Variants in ARPC1A observed in about 807,000 individuals in gnomAD.
The protein encoded by ARPC1A is actin-related protein 2/3 complex subunit 1A.
Under a neutral mutation model 46.9 loss-of-function variants are expected in ARPC1A, and 8 were observed. The observed-to-expected ratio is 0.17, with a 90% CI of 0.10 to 0.31. The LOEUF (loss-of-function observed/expected upper bound fraction) is 0.31, where lower values mean the gene tolerates loss of function less well. ARPC1A is among the 10% of genes least tolerant of loss of function. The pLI, the probability that ARPC1A is intolerant of heterozygous loss-of-function variation, is 1.00. For missense variants in ARPC1A, 286 were observed against 483.6 expected (o/e 0.59, Z 3.83); for synonymous variants, 152 against 169.0 (o/e 0.90, Z 0.78).
At chr7:99,350,059 A>G (rs554623414) in intron 5 of ARPC1A, among the ~76,000 whole-genome samples, 1 of 152,328 alleles carries the variant, frequency 6.6e-6, no homozygotes, top group East Asian at 1.9e-4. Context: ...TTTGTGATCC[A>G]GAAAAGGAGC....
intron 8 of ARPC1A, among the ~76,000 whole-genome samples, chr7:99,362,930 G>A (rs1235944648): frequency 6.6e-6 from 1 of 152,026 alleles, no homozygotes; most frequent in Non-Finnish European, 1.5e-5. Context: ...ACTCAAGGAG[G>A]GCTGTTGGCT....
chr7:99,336,395 A>T (rs919899972), intron 2 of ARPC1A, among the ~76,000 whole-genome samples: 1 of 151,288 alleles, frequency 6.6e-6, no homozygotes, highest in Admixed American at 6.6e-5. Context: ...TAAAGCAGAT[A>T]GATGTAGCTT....
intron 4 of ARPC1A, among the ~76,000 whole-genome samples, chr7:99,344,727 G>C (rs1470066681): frequency 1.3e-5 from 2 of 151,880 alleles, no homozygotes; most frequent in Non-Finnish European, 2.9e-5. Context: ...TTGTGTCCAT[G>C]TTCTGATCGC....
At chr7:99,358,736 C>T (rs945198549) in intron 7 of ARPC1A, 1 of 255,370 alleles carries the variant, frequency 3.9e-6, no homozygotes, top group African/African-American at 2.3e-5. Context: ...GACGGGGTTT[C>T]TCCATGTTGG....
intron 4 of ARPC1A, among the ~76,000 whole-genome samples, chr7:99,346,327 T>G (rs1374343153): frequency 1.3e-5 from 2 of 152,210 alleles, no homozygotes; most frequent in African/African-American, 2.4e-5. Flanking sequence ...GAAGTTTCAT[T>G]GTAATGAGAT....
Position 99,348,879 on chromosome 7 carries a change from G to A in ARPC1A, c.420G>A (p.Pro140=), listed in dbSNP as rs372101437. The part of the protein sequence containing the change: ...DWWVSKHIKK[P]IRSTVLSLDW... The stretch of plus-strand genomic sequence containing the variant: ...GGGTGAGCAAGCACATTAAAAAGCC[G>A]ATTCGCTCCACAGTCCTCAGCTTGG... The change falls in exon 5 of 10, where the codon CCG becomes CCA. Residue 140 remains proline, a synonymous_variant. Transcript: ENST00000262942. The A allele has an allele frequency of 6.3e-5, 102 of 1,613,740 alleles. No homozygotes were observed. The highest frequency in any genetic ancestry group is 7.7e-5 in the Non-Finnish European group (91 of 1,179,864).
At chr7:99,353,627 G>GC (rs1039404828) in intron 5 of ARPC1A, among the ~76,000 whole-genome samples, 119 of 151,788 alleles carry the variant, frequency 7.8e-4, no homozygotes, top group African/African-American at 2.8e-3. Flanking sequence ...ACAGGCATGC[G>GC]CCCCCACGCT....
At chr7:99,341,912 A>T (rs1793363514) in intron 3 of ARPC1A, among the ~76,000 whole-genome samples, 1 of 152,184 alleles carries the variant, frequency 6.6e-6, no homozygotes, top group African/African-American at 2.4e-5. Context: ...TTAGGGGAAA[A>T]AAATATTTTC....
chr7:99,330,784 C>A (rs1241845159), intron 1 of ARPC1A, among the ~76,000 whole-genome samples: 4 of 152,182 alleles, frequency 2.6e-5, no homozygotes, highest in Non-Finnish European at 5.9e-5. Context: ...CCAAGGTTAA[C>A]ATGACACATA....
At position 99,350,923 on chromosome 7, in the gene ARPC1A, A is replaced by C. The variant is rs867817711; in HGVS notation, c.500+1964A>C. ...TGGCCTCCCAAAGTGCTGGGCTTAC[A>C]GGGATGAGCCACTACACTCAGCTGG... On this transcript the variant is annotated intron_variant, in intron 5 of 9. Transcript: ENST00000262942. 2.0e-5 allele frequency among the ~76,000 whole-genome samples: 3 copies of C among 151,952 alleles called. No individual in the cohort carries two copies. In the South Asian group the frequency reaches 6.2e-4, roughly 32 times the overall value.
chr7:99,328,237 C>T (rs928993891), intron 1 of ARPC1A, among the ~76,000 whole-genome samples: 14 of 152,146 alleles, frequency 9.2e-5, no homozygotes, highest in Non-Finnish European at 2.1e-4. Context: ...GGCATGGTGG[C>T]ACGTGCCTGT....
chr7:99,335,588 G>T, intron 2 of ARPC1A: 1 of 286,468 alleles, frequency 3.5e-6, no homozygotes, highest in Non-Finnish European at 6.9e-6. Context: ...GGATCAGTTT[G>T]TTAATTTCTT....
intron 2 of ARPC1A, among the ~76,000 whole-genome samples, chr7:99,334,573 G>A (rs1793207184): frequency 6.6e-6 from 1 of 152,102 alleles, no homozygotes; most frequent in Non-Finnish European, 1.5e-5. Flanking sequence ...GTCCTTTTAT[G>A]TAGGACTTTG....
At position 99,344,920 on chromosome 7, in the gene ARPC1A, C is replaced by CTTTTTTTTTTTTTTTTTTTT. The variant is rs1172071932; in HGVS notation, c.392+415_392+434dup. Among the ~76,000 whole-genome samples, 10 of 20,108 alleles carry CTTTTTTTTTTTTTTTTTTTT rather than the reference C, an allele frequency of 5.0e-4. 4 individuals are homozygous for CTTTTTTTTTTTTTTTTTTTT. The highest frequency in any genetic ancestry group is 1.1e-3 in the African/African-American group (5 of 4,574). The allele number at this position is 20,108 out of a possible 152,430, so 13.2% of individuals were successfully genotyped here. ...TAGGATTCCTACAGATAACAATGTT[C>CTTTTTTTTTTTTTTTTTTTT]TTTTTTTTTTTTTTTTTTTTTTTTT... On this transcript the variant is annotated intron_variant, in intron 4 of 9. Transcript: ENST00000262942.
At chr7:99,336,693 C>T (rs1386402547) in intron 2 of ARPC1A, among the ~76,000 whole-genome samples, 3 of 151,956 alleles carry the variant, frequency 2.0e-5, no homozygotes, top group South Asian at 2.1e-4. Context: ...GGGGTTTCCC[C>T]GTGTTGGCCA....
rs146107452 is a variant in ARPC1A at position 99,337,754 on chromosome 7, G to A, written c.65-427G>A. ...GTGGTTCCAGCCTGGGTCCATGATA[G>A]CAGTAATGGAAGTCCATAACCTATT... On this transcript the variant is annotated intron_variant, in intron 2 of 9. Coordinates refer to ENST00000262942, the MANE Select transcript of ARPC1A (RefSeq NM_006409.4). Among the ~76,000 whole-genome samples, 218 of 152,204 alleles carry A rather than the reference G, an allele frequency of 1.4e-3. 1 individual carries two copies. The highest frequency in any genetic ancestry group is 4.9e-3 in the African/African-American group (205 of 41,542).
At chr7:99,362,397 T>C (rs1351053023) in intron 8 of ARPC1A, among the ~76,000 whole-genome samples, 1 of 142,288 alleles carries the variant, frequency 7.0e-6, no homozygotes, top group African/African-American at 2.6e-5. Flanking sequence ...AGTGGCACGA[T>C]CTTGGCTTAC....
At chr7:99,335,811 C>T (rs770413816) in intron 2 of ARPC1A, among the ~76,000 whole-genome samples, 17 of 152,030 alleles carry the variant, frequency 1.1e-4, no homozygotes, top group South Asian at 8.3e-4. Context: ...AAAATTAGCC[C>T]GGTGTGGTGG....
intron 3 of ARPC1A, 60 bp from the exon 4 acceptor site, chr7:99,344,233 C>A: frequency 6.5e-7 from 1 of 1,546,240 alleles, no homozygotes; most frequent in Non-Finnish European, 8.9e-7. Flanking sequence ...ACCCACCTGC[C>A]TGTGCCGCAG....
Sources: allele counts gnomAD v4.1 joint callset (sites outside exome capture counted in the v4.1 genomes callset), GRCh38; gene constraint gnomAD v4.1.1; transcripts MANE v1.5; gene names NCBI Gene and HGNC (gene_info 2026-07-23, HGNC 2026-07-21).